The following PDE10A variants were observed in gnomAD, a reference collection of about 807,000 sequenced individuals.
The protein encoded by PDE10A is cAMP and cAMP-inhibited cGMP 3',5'-cyclic phosphodiesterase 10A.
Under a neutral mutation model 97.7 loss-of-function variants are expected in PDE10A, and 39 were observed. The ratio of observed to expected loss-of-function variants is 0.40; its 90% CI spans 0.31 to 0.52. The LOEUF is 0.52. Ranked by LOEUF, PDE10A falls within the 20% of genes least tolerant of loss-of-function variation. PDE10A has a pLI of 0.56. For missense variants in PDE10A, 731 were observed against 1,047.8 expected, an observed-to-expected ratio of 0.70 and a Z score of 4.17; for synonymous variants, 371 against 376.8, an observed-to-expected ratio of 0.98 and a Z score of 0.18.
chr6:165,929,474 G>A (rs934553622), intron 1 of PDE10A, among the ~76,000 whole-genome samples: 1 of 152,216 alleles, frequency 6.6e-6, no homozygotes, highest in East Asian at 1.9e-4. Flanking sequence ...AAGGCCGTCA[G>A]AAACATTACA....
intron 1 of PDE10A, among the ~76,000 whole-genome samples, chr6:165,934,663 C>CT (rs948701873): frequency 6.6e-6 from 1 of 152,240 alleles, no homozygotes; most frequent in African/African-American, 2.4e-5. Context: ...CAGTATCCTG[C>CT]TTTCCCAGAT....
chr6:165,687,609 C>A (rs1791156937), intron 1 of PDE10A, among the ~76,000 whole-genome samples: 1 of 152,162 alleles, frequency 6.6e-6, no homozygotes, highest in Non-Finnish European at 1.5e-5. Context: ...TCTACAAGCA[C>A]ACAATACGAA....
At chr6:165,755,065 G>C (rs1459155852) in intron 1 of PDE10A, among the ~76,000 whole-genome samples, 3 of 152,028 alleles carry the variant, frequency 2.0e-5, no homozygotes, top group Admixed American at 6.5e-5. Context: ...TAGTTTTATG[G>C]AGAGGGACAC....
intron 17 of PDE10A, among the ~76,000 whole-genome samples, chr6:165,387,962 T>G (rs1785420955): frequency 6.6e-6 from 1 of 152,226 alleles, no homozygotes; most frequent in Admixed American, 6.5e-5. Flanking sequence ...TAAGATTTGC[T>G]GTTCAATATC....
At chr6:165,909,807 T>C (rs1359201143) in intron 1 of PDE10A, among the ~76,000 whole-genome samples, 2 of 152,072 alleles carry the variant, frequency 1.3e-5, no homozygotes, top group Non-Finnish European at 2.9e-5. Context: ...CAAGCCCACC[T>C]TGACAAACCT....
intron 3 of PDE10A, among the ~76,000 whole-genome samples, chr6:165,465,055 G>T (rs1470316396): frequency 6.6e-6 from 1 of 152,138 alleles, no homozygotes; most frequent in Non-Finnish European, 1.5e-5. Context: ...CAAGATAAAT[G>T]TATGTTTAAC....
intron 1 of PDE10A, among the ~76,000 whole-genome samples, chr6:165,643,958 T>C (rs1398756666): frequency 6.6e-6 from 1 of 152,232 alleles, no homozygotes; most frequent in Non-Finnish European, 1.5e-5. Context: ...TTCATAAACA[T>C]ATGCCATTAC....
chr6:165,650,702 T>A (rs1231460168), intron 1 of PDE10A, among the ~76,000 whole-genome samples: 2 of 152,126 alleles, frequency 1.3e-5, no homozygotes, highest in Non-Finnish European at 2.9e-5. Flanking sequence ...TGCCTATGTG[T>A]GAGTATGTCT....
chr6:165,887,388 T>C (rs1781657365), intron 1 of PDE10A, among the ~76,000 whole-genome samples: 1 of 152,196 alleles, frequency 6.6e-6, no homozygotes, highest in Admixed American at 6.5e-5. Context: ...ATATTCCCTG[T>C]TTTGTCCTTC....
chr6:165,399,913 T>A (rs937769029), intron 13 of PDE10A, among the ~76,000 whole-genome samples: 1 of 152,212 alleles, frequency 6.6e-6, no homozygotes, highest in African/African-American at 2.4e-5. Flanking sequence ...TATAGCAGCA[T>A]GATTTATAAT....
chr6:165,343,910 T>C (rs117970622), intron 18 of PDE10A, among the ~76,000 whole-genome samples: 4 of 152,218 alleles, frequency 2.6e-5, no homozygotes, highest in African/African-American at 9.6e-5. Flanking sequence ...TTTCATTTTA[T>C]ATTAGCAAAG....
At chr6:165,775,149 A>G (rs2128460641) in intron 1 of PDE10A, 1 of 152,236 alleles carries the variant, frequency 6.6e-6, no homozygotes, top group South Asian at 2.1e-4. Context: ...GACCATGGGG[A>G]AACTTGTTTT....
chr6:165,640,794 A>G (rs1789091739), intron 1 of PDE10A, among the ~76,000 whole-genome samples: 1 of 152,262 alleles, frequency 6.6e-6, no homozygotes, highest in African/African-American at 2.4e-5. Flanking sequence ...AAAATTACTT[A>G]TGAAAATGGT....
intron 1 of PDE10A, among the ~76,000 whole-genome samples, chr6:165,852,595 G>A (rs6913864): frequency 0.022 from 3,378 of 152,308 alleles, 69 homozygotes; most frequent in South Asian, 0.11. Flanking sequence ...GAACAGAGTC[G>A]TAGGACTGCC....
At chr6:165,918,496 A>G (rs536939052) in intron 1 of PDE10A, among the ~76,000 whole-genome samples, 2 of 152,344 alleles carry the variant, frequency 1.3e-5, no homozygotes, top group African/African-American at 2.4e-5. Flanking sequence ...TCTCCAAACA[A>G]TAATTATTTA....
chr6:165,734,339 C>A (rs1361427211), intron 1 of PDE10A, among the ~76,000 whole-genome samples: 1 of 151,986 alleles, frequency 6.6e-6, no homozygotes, highest in African/African-American at 2.4e-5. Context: ...ATGCTTCTCA[C>A]AGAAAAAGAC....
chr6:165,834,851 G>T (rs1232260242), intron 1 of PDE10A, among the ~76,000 whole-genome samples: 1 of 152,240 alleles, frequency 6.6e-6, no homozygotes, highest in African/African-American at 2.4e-5. Flanking sequence ...ACAAGTACCA[G>T]TTCCTACAAA....
intron 5 of PDE10A, among the ~76,000 whole-genome samples, chr6:165,439,927 C>T (rs1418450996): frequency 1.3e-5 from 2 of 152,122 alleles, no homozygotes; most frequent in African/African-American, 4.8e-5. Flanking sequence ...ATGTTTACCT[C>T]ACTTGGTTAA....
chr6:165,619,810 C>T (rs1276916404), intron 1 of PDE10A, among the ~76,000 whole-genome samples: 1 of 151,790 alleles, frequency 6.6e-6, no homozygotes, highest in African/African-American at 2.4e-5. Flanking sequence ...TGTGTCATCT[C>T]AGGAATCAGA....
Sources: gnomAD v4.1 joint callset for allele counts (sites outside exome capture counted in the v4.1 genomes callset) on GRCh38, gnomAD v4.1.1 for gene constraint, MANE v1.5 for transcripts, NCBI Gene and HGNC (gene_info 2026-07-23, HGNC 2026-07-21) for gene names.